Variants in BCAR3 observed in about 807,000 individuals in gnomAD.
BCAR3 encodes breast cancer anti-estrogen resistance protein 3.
In BCAR3, 37 loss-of-function variants were observed where a neutral mutation model predicts 80.1. The observed-to-expected ratio is 0.46, with a 90% CI of 0.36 to 0.61. The LOEUF (loss-of-function observed/expected upper bound fraction) is 0.61. BCAR3 is among the 20% of genes least tolerant of loss of function. The pLI, the probability that BCAR3 is intolerant of heterozygous loss-of-function variation, is 0.00. For missense variants in BCAR3, 978 were observed against 1,068.2 expected, an observed-to-expected ratio of 0.92 and a Z score of 1.18; for synonymous variants, 389 against 418.9, an observed-to-expected ratio of 0.93 and a Z score of 0.87.
intron 3 of BCAR3, among the ~76,000 whole-genome samples, chr1:93,613,188 TATTAATCTTAATTCCTAG>T (rs1439137223): frequency 6.6e-6 from 1 of 152,196 alleles, no homozygotes; most frequent in Middle Eastern, 3.2e-3. Context: ...CGAAAGCCTA[TATTAATCTTAATTCCTAG>T]TGCGTCACAG....
In BCAR3 at chr1:93,786,192, C is replaced by CAAAA. The variant is rs61644309; in HGVS notation, c.-63+59371_-63+59374dup. On this transcript the variant is annotated intron_variant, in intron 2 of 13. Transcript: ENST00000370244. Reference sequence around the variant, plus strand: ...TGGGCGTCAGAGCGAGACTCCGTCTCAAAAAAAAAAAAAAAAAAAAAAAAA... The same window carrying CAAAA: ...TGGGCGTCAGAGCGAGACTCCGTCTCAAAAAAAAAAAAAAAAAAAAAAAAAAAAA... Among the ~76,000 whole-genome samples, 37 of 23,244 alleles carry CAAAA rather than the reference C, an allele frequency of 1.6e-3. 7 individuals are homozygous for CAAAA. The highest frequency in any genetic ancestry group is 6.5e-3 in the African/African-American group (33 of 5,080). The allele number at this position is 23,244 out of a possible 152,430, so 15.2% of individuals were successfully genotyped here.
chr1:93,680,612 C>A (rs888281808), intron 1 of BCAR3, among the ~76,000 whole-genome samples: 1 of 152,182 alleles, frequency 6.6e-6, no homozygotes, highest in Non-Finnish European at 1.5e-5. Flanking sequence ...GTCTGTGTAG[C>A]CTTGGGAGAT....
intron 3 of BCAR3, among the ~76,000 whole-genome samples, chr1:93,610,129 G>A (rs1557859081): frequency 1.3e-5 from 2 of 152,220 alleles, no homozygotes; most frequent in African/African-American, 4.8e-5. Flanking sequence ...TACCACAACC[G>A]GTGACTGCTG....
At chr1:93,602,538 G>A (rs1674655718) in intron 3 of BCAR3, 1 of 152,218 alleles carries the variant, frequency 6.6e-6, no homozygotes, top group South Asian at 2.1e-4. Context: ...GAAGAAGGCT[G>A]CTACATCTGG....
chr1:93,732,782 T>C (rs1650836918), intron 2 of BCAR3, among the ~76,000 whole-genome samples: 1 of 152,116 alleles, frequency 6.6e-6, no homozygotes, highest in Admixed American at 6.5e-5. Flanking sequence ...GAAAACAGCC[T>C]CAGGAAAGTA....
intron 2 of BCAR3, among the ~76,000 whole-genome samples, chr1:93,645,114 G>T (rs1676113777): frequency 6.6e-6 from 1 of 152,148 alleles, no homozygotes; most frequent in Non-Finnish European, 1.5e-5. Context: ...TGGGTGACTG[G>T]GGGCCTCGTG....
intron 2 of BCAR3, among the ~76,000 whole-genome samples, chr1:93,728,312 G>A (rs555556858): frequency 1.3e-5 from 2 of 152,352 alleles, no homozygotes; most frequent in South Asian, 2.1e-4. Context: ...CGGGCAGGTC[G>A]TGGGGCTCCC....
At chr1:93,818,791 G>C (rs889597719) in intron 2 of BCAR3, among the ~76,000 whole-genome samples, 2 of 152,166 alleles carry the variant, frequency 1.3e-5, no homozygotes, top group African/African-American at 4.8e-5. Flanking sequence ...CTGTGTAGGA[G>C]AGTAAGTGGG....
chr1:93,831,174 A>G (rs1290562776), intron 2 of BCAR3, among the ~76,000 whole-genome samples: 1 of 151,960 alleles, frequency 6.6e-6, no homozygotes, highest in Non-Finnish European at 1.5e-5. Context: ...TTGGTCATTC[A>G]CCCACATTCT....
intron 2 of BCAR3, among the ~76,000 whole-genome samples, chr1:93,787,767 T>C (rs1653000977): frequency 6.6e-6 from 1 of 152,228 alleles, no homozygotes; most frequent in Admixed American, 6.5e-5. Context: ...CACGTGCTGA[T>C]GAGAAGAATA....
intron 2 of BCAR3, among the ~76,000 whole-genome samples, chr1:93,717,074 C>T (rs921635663): frequency 1.3e-5 from 2 of 152,236 alleles, no homozygotes; most frequent in African/African-American, 4.8e-5. Context: ...TTAGCTAGAA[C>T]TCAAGAAACC....
intron 2 of BCAR3, among the ~76,000 whole-genome samples, chr1:93,791,257 T>C (rs1571131148): frequency 1.3e-5 from 1 of 74,262 alleles, no homozygotes; most frequent in Admixed American, 1.5e-4. Flanking sequence ...TGAACTAGTT[T>C]ACAGTCCCAC....
At chr1:93,585,134 C>T in intron 5 of BCAR3, 1 of 980,498 alleles carries the variant, frequency 1.0e-6, no homozygotes, top group Non-Finnish European at 1.2e-6. Context: ...CGGCTGGACT[C>T]CAGGGGCCAG....
Position 93,585,053 on chromosome 1 carries a change from T to C in BCAR3, c.930-932A>G, listed in dbSNP as rs145196524. On this transcript the variant is annotated intron_variant, in intron 5 of 11. Coordinates refer to ENST00000260502, the MANE Select transcript of BCAR3 (RefSeq NM_003567.4). The stretch of plus-strand genomic sequence containing the variant: ...AGAAATTCCAGCAACCTTTCGAAGA[T>C]AAGACAAGACCGAGGGCAAATTACA... The C allele has an allele frequency of 1.7e-4, 165 of 985,426 alleles. No homozygotes were observed. In the African/African-American group the frequency reaches 2.4e-3, roughly 14 times the overall value. The allele number at this position is 985,426 out of a possible 1,614,324, so 61.0% of individuals were successfully genotyped here. A position where few individuals can be genotyped will look rare whatever the true frequency, so the allele number is the denominator to read the frequency against.
chr1:93,826,075 A>G (rs1327633659), intron 2 of BCAR3, among the ~76,000 whole-genome samples: 1 of 152,208 alleles, frequency 6.6e-6, no homozygotes, highest in African/African-American at 2.4e-5. Flanking sequence ...GAAGCAAGGG[A>G]AAGAGGGGAG....
At chr1:93,764,854 G>A (rs981839300) in intron 2 of BCAR3, among the ~76,000 whole-genome samples, 19 of 152,172 alleles carry the variant, frequency 1.2e-4, no homozygotes, top group Non-Finnish European at 2.6e-4. Flanking sequence ...TCCTAAGTGG[G>A]AGTCTGGGTC....
chr1:93,691,134 G>C (rs1056950698), intron 3 of BCAR3, among the ~76,000 whole-genome samples: 1 of 152,152 alleles, frequency 6.6e-6, no homozygotes, highest in Non-Finnish European at 1.5e-5. Flanking sequence ...ACATAGCAGA[G>C]CCAGGACTGA....
intron 2 of BCAR3, among the ~76,000 whole-genome samples, chr1:93,733,351 A>G (rs1650861117): frequency 6.6e-6 from 1 of 152,000 alleles, no homozygotes; most frequent in Non-Finnish European, 1.5e-5. Context: ...CCACCCCCCG[A>G]CCCACCTTAC....
intron 2 of BCAR3, among the ~76,000 whole-genome samples, chr1:93,657,974 C>G (rs1216068945): frequency 6.7e-6 from 1 of 148,276 alleles, no homozygotes; most frequent in Non-Finnish European, 1.5e-5. Flanking sequence ...TTTAGACAGT[C>G]TTCCTCTGTC....
Sources: allele counts gnomAD v4.1 joint callset (sites outside exome capture counted in the v4.1 genomes callset), GRCh38; gene constraint gnomAD v4.1.1; transcripts MANE v1.5; gene names NCBI Gene and HGNC (gene_info 2026-07-23, HGNC 2026-07-21).